Variants in GRIN2B observed in about 807,000 individuals in gnomAD.
GRIN2B encodes glutamate receptor ionotropic, NMDA 2B.
GRIN2B carries 5 observed loss-of-function variants against 114.5 expected under a neutral mutation model. That is an observed-to-expected ratio of 0.04 (90% CI 0.02 to 0.09). The LOEUF is 0.09. Ranked by LOEUF, GRIN2B falls within the 10% of genes least tolerant of loss-of-function variation. The pLI is 1.00. For synonymous variants in GRIN2B, 787 were observed against 745.1 expected (o/e 1.06, Z -0.92); for missense variants, 1,108 against 1,943.5 (o/e 0.57, Z 8.08).
chr12:13,675,660 C>G, intron 5 of GRIN2B, 85 bp downstream of exon 5: 1 of 844,588 alleles, frequency 1.2e-6, no homozygotes, highest in Non-Finnish European at 2.1e-6. Flanking sequence ...GGGACAAAAG[C>G]CAAAGGACTA....
At chr12:13,758,125 T>G (rs768846576) in intron 3 of GRIN2B, among the ~76,000 whole-genome samples, 6 of 152,168 alleles carry the variant, frequency 3.9e-5, no homozygotes, top group Non-Finnish European at 8.8e-5. Context: ...CTAATCTTCT[T>G]GCCCTAACTC....
intron 4 of GRIN2B, chr12:13,683,977 C>T (rs977553606): frequency 1.3e-5 from 2 of 152,136 alleles, no homozygotes; most frequent in African/African-American, 4.8e-5. Context: ...TGCTTTGGCC[C>T]ATTTAGTTGA....
intron 2 of GRIN2B, among the ~76,000 whole-genome samples, chr12:13,945,496 G>T (rs1332856840): frequency 6.6e-6 from 1 of 152,178 alleles, no homozygotes; most frequent in Non-Finnish European, 1.5e-5. Flanking sequence ...GAGAACCTTG[G>T]TCTTACCTGG....
At position 13,553,673 on chromosome 12, in the gene GRIN2B, T is replaced by C. The variant is rs1948444775; in HGVS notation, c.*9110A>G. ...AAGGTTCTTTTGGTGCTGAAAGTGTTAAAAAAGAAGCTAAATATTGGATCA... is the reference window on the plus strand; with the variant it reads ...AAGGTTCTTTTGGTGCTGAAAGTGTCAAAAAAGAAGCTAAATATTGGATCA... On this transcript the variant is annotated 3_prime_UTR_variant, in exon 14 of 14. Transcript: ENST00000609686. The C allele has an allele frequency of 6.6e-6, 1 of 152,108 alleles. No individual in the cohort carries two copies. Among genetic ancestry groups the C allele is most frequent in the African/African-American group, 2.4e-5 (1 of 41,396 alleles). 9.4% of individuals were successfully genotyped at this position (152,108 alleles called of 1,614,324 possible).
intron 2 of GRIN2B, among the ~76,000 whole-genome samples, chr12:13,952,693 G>A (rs1016902615): frequency 6.6e-6 from 1 of 152,108 alleles, no homozygotes; most frequent in African/African-American, 2.4e-5. Flanking sequence ...ATAATAGCAT[G>A]AGGTTTCCAA....
At chr12:13,851,144 A>G (rs1325137497) in intron 3 of GRIN2B, among the ~76,000 whole-genome samples, 1 of 152,182 alleles carries the variant, frequency 6.6e-6, no homozygotes, top group East Asian at 1.9e-4. Context: ...CCAAAAGAGT[A>G]TGTTAATCAA....
chr12:13,715,602 A>AT (rs1950448014), intron 4 of GRIN2B, among the ~76,000 whole-genome samples: 1 of 151,906 alleles, frequency 6.6e-6, no homozygotes, highest in Admixed American at 6.6e-5. Flanking sequence ...TCATTGAACT[A>AT]TATCTCTCTA....
chr12:13,834,020 CTTTTTTTTTTTTTTTT>C (rs71067731), intron 3 of GRIN2B, among the ~76,000 whole-genome samples: 3 of 72,540 alleles, frequency 4.1e-5, no homozygotes, highest in Non-Finnish European at 7.3e-5. Flanking sequence ...TTGCTAACTT[CTTTTTTTTTTTTTTTT>C]TTTTTTTTTT....
rs922038016 is a variant in GRIN2B at position 13,899,576 on chromosome 12, G to T, written c.-18-33350C>A. On this transcript the variant is annotated intron_variant, in intron 2 of 13. Coordinates refer to ENST00000609686, the MANE Select transcript of GRIN2B (RefSeq NM_000834.5). ...TAAAAAGTAACTGACACACATTAAG[G>T]AACACATTAACATTAAATCTGATTA... Among the ~76,000 whole-genome samples the T allele has an allele frequency of 1.4e-5, 2 of 143,570 alleles. 1 individual carries two copies. The highest frequency in any genetic ancestry group is 4.4e-4 in the South Asian group (2 of 4,536). 94.2% of individuals were successfully genotyped at this position (143,570 alleles called of 152,430 possible).
At chr12:13,578,268 C>G (rs1948803775) in intron 10 of GRIN2B, among the ~76,000 whole-genome samples, 1 of 152,116 alleles carries the variant, frequency 6.6e-6, no homozygotes, top group Non-Finnish European at 1.5e-5. Flanking sequence ...CTTAGCTGAC[C>G]TAGGTGACCT....
intron 2 of GRIN2B, among the ~76,000 whole-genome samples, chr12:13,866,916 G>A (rs1865837682): frequency 6.6e-6 from 1 of 152,218 alleles, no homozygotes; most frequent in Non-Finnish European, 1.5e-5. Context: ...TTTTATAAAT[G>A]TTGACGCCAA....
chr12:13,695,034 A>T (rs552356526), intron 4 of GRIN2B, among the ~76,000 whole-genome samples: 1 of 152,228 alleles, frequency 6.6e-6, no homozygotes, highest in African/African-American at 2.4e-5. Flanking sequence ...GTCAATGACA[A>T]GGAACAAGGA....
intron 2 of GRIN2B, among the ~76,000 whole-genome samples, chr12:13,908,776 C>T (rs1360101869): frequency 1.3e-5 from 2 of 152,174 alleles, no homozygotes; most frequent in Non-Finnish European, 2.9e-5. Context: ...TTCTACAACT[C>T]GTTTCAAGTC....
At chr12:13,900,840 G>T (rs1866436884) in intron 2 of GRIN2B, among the ~76,000 whole-genome samples, 1 of 151,940 alleles carries the variant, frequency 6.6e-6, no homozygotes, top group African/African-American at 2.4e-5. Flanking sequence ...TCTGAGATTT[G>T]GCCATGTTGT....
chr12:13,647,091 A>G (rs1444163928), intron 5 of GRIN2B, among the ~76,000 whole-genome samples: 1 of 152,118 alleles, frequency 6.6e-6, no homozygotes, highest in Admixed American at 6.6e-5. Flanking sequence ...ATGAAAACAT[A>G]GCAGGGCTGA....
chr12:13,859,477 A>G (rs1380088367), intron 3 of GRIN2B, among the ~76,000 whole-genome samples: 1 of 152,228 alleles, frequency 6.6e-6, no homozygotes, highest in African/African-American at 2.4e-5. Flanking sequence ...AGAGCCAGCC[A>G]GACAGAGCTA....
At chr12:13,627,445 G>T (rs1034578497) in intron 5 of GRIN2B, among the ~76,000 whole-genome samples, 2 of 152,200 alleles carry the variant, frequency 1.3e-5, no homozygotes, top group Non-Finnish European at 2.9e-5. Flanking sequence ...TACATAAAGT[G>T]CTTTGCAAAG....
chr12:13,578,028 G>A (rs1285098325), intron 10 of GRIN2B, among the ~76,000 whole-genome samples: 1 of 152,186 alleles, frequency 6.6e-6, no homozygotes, highest in Non-Finnish European at 1.5e-5. Flanking sequence ...TGCCTTCAAA[G>A]AGTTCACATT....
At chr12:13,635,187 T>C (rs1591652045) in intron 5 of GRIN2B, among the ~76,000 whole-genome samples, 2 of 152,230 alleles carry the variant, frequency 1.3e-5, no homozygotes, top group East Asian at 3.9e-4. Context: ...GATGGAATAT[T>C]AATGCTGAGA....
Sources: allele counts gnomAD v4.1 joint callset (sites outside exome capture counted in the v4.1 genomes callset), GRCh38; gene constraint gnomAD v4.1.1; transcripts MANE v1.5; gene names NCBI Gene and HGNC (gene_info 2026-07-23, HGNC 2026-07-21).